Variants in XRRA1 observed in about 807,000 individuals in gnomAD.
XRRA1 encodes X-ray radiation resistance associated 1.
Under a neutral mutation model 80.2 loss-of-function variants are expected in XRRA1, and 69 were observed. The ratio of observed to expected loss-of-function variants is 0.86; its 90% CI spans 0.71 to 1.05. XRRA1 has a LOEUF of 1.05. Ranked by LOEUF, XRRA1 falls within the 50% of genes least tolerant of loss-of-function variation. The pLI is 0.00. For synonymous variants in XRRA1, 348 were observed against 389.9 expected, an observed-to-expected ratio of 0.89 and a Z score of 1.27; for missense variants, 967 against 976.4, an observed-to-expected ratio of 0.99 and a Z score of 0.13.
At chr11:74,943,524 G>GGTGTGTGTGTGTGTGT (rs67590742) in intron 2 of XRRA1, among the ~76,000 whole-genome samples, 4,699 of 137,624 alleles carry the variant, frequency 0.034, 172 homozygotes, top group Admixed American at 0.056. Flanking sequence ...AGAGTAGGAG[G>GGTGTGTGTGTGTGTGT]GTGTGTGTGT....
At chr11:74,848,946 ACCAGGCCCCTTTCAGGATGCTGTT>A in intron 14 of XRRA1, among the ~76,000 whole-genome samples, 1 of 152,310 alleles carries the variant, frequency 6.6e-6, no homozygotes, top group Admixed American at 6.5e-5. Flanking sequence ...AGATGACAGC[ACCAGGCCCCTTTCAGGATGCTGTT>A]CCCTATACCT....
intron 8 of XRRA1, among the ~76,000 whole-genome samples, chr11:74,908,311 C>T (rs767781804): frequency 6.6e-6 from 1 of 152,184 alleles, no homozygotes; most frequent in Non-Finnish European, 1.5e-5. Context: ...AGTGGGATGA[C>T]TCAAACTAGA....
At chr11:74,926,139 T>G (rs1181071239) in intron 7 of XRRA1, among the ~76,000 whole-genome samples, 1 of 152,208 alleles carries the variant, frequency 6.6e-6, no homozygotes, top group Admixed American at 6.5e-5. Flanking sequence ...TCATAGAAAA[T>G]TACTGTTATC....
At chr11:74,924,669 C>G (rs993531070) in intron 7 of XRRA1, among the ~76,000 whole-genome samples, 2 of 151,678 alleles carry the variant, frequency 1.3e-5, no homozygotes, top group African/African-American at 4.8e-5. Flanking sequence ...CCCTTCTCTA[C>G]CAAAAATACA....
At chr11:74,857,114 G>C (rs80019425) in intron 12 of XRRA1, among the ~76,000 whole-genome samples, 3,703 of 152,168 alleles carry the variant, frequency 0.024, 159 homozygotes, top group African/African-American at 0.085. Context: ...CTACTGCTAG[G>C]GGGAGGAACA....
At position 74,940,791 on chromosome 11, in the gene XRRA1, C is replaced by A; in HGVS notation, c.88G>T (p.Glu30Ter). 1 of 1,604,158 alleles carries A rather than the reference C, an allele frequency of 6.2e-7. No homozygotes were observed. Among genetic ancestry groups the A allele is most frequent in the Non-Finnish European group, 8.5e-7 (1 of 1,175,460 alleles). Residue 30 changes from glutamate to a stop codon, truncating the protein, a stop_gained, in exon 3 of 19, where the codon GAG becomes TAG. Coordinates refer to ENST00000684022, the MANE Select transcript of XRRA1 (RefSeq NM_001378157.1). LOFTEE classifies it high-confidence loss of function. Reference sequence around the variant, plus strand: ...ATTTGAGAAGTCACCTGACCTTCCTCCGGCACGCGAAGCAGATTTCTGGCT... The same window carrying A: ...ATTTGAGAAGTCACCTGACCTTCCTACGGCACGCGAAGCAGATTTCTGGCT... ...FPARNLLRVPEEGQGHWLVVQ... is the reference protein window; with the variant it reads ...FPARNLLRVP
In XRRA1 at chr11:74,885,761, AC is replaced by A. The variant is rs144545885; in HGVS notation, c.1003+20477del. ...AAAACCCACCAGAGACACAACAACA[AC>A]AACAAAATTTCAGGCCAATATCCTT... On this transcript the variant is annotated intron_variant, in intron 10 of 18. Coordinates refer to ENST00000684022, the MANE Select transcript of XRRA1 (RefSeq NM_001378157.1). Among the ~76,000 whole-genome samples, 1,010 of 152,322 alleles carry A rather than the reference AC, an allele frequency of 6.6e-3. 38 individuals are homozygous for A. The East Asian group carries it at 0.13, about 19-fold the overall frequency.
intron 8 of XRRA1, among the ~76,000 whole-genome samples, chr11:74,917,611 G>A (rs1240227493): frequency 2.0e-5 from 3 of 152,138 alleles, no homozygotes; most frequent in Admixed American, 6.5e-5. Context: ...TAACTTAACA[G>A]CATAGGATAT....
chr11:74,941,021 C>T (rs1946235986), intron 2 of XRRA1, 139 bp from the exon 3 acceptor site: 1 of 621,620 alleles, frequency 1.6e-6, no homozygotes, highest in Admixed American at 2.8e-5. Context: ...GGAGGCCCCA[C>T]TGCCCTTGCT....
chr11:74,939,569 C>G (rs1301603077), intron 3 of XRRA1, among the ~76,000 whole-genome samples: 1 of 152,170 alleles, frequency 6.6e-6, no homozygotes, highest in Non-Finnish European at 1.5e-5. Flanking sequence ...CACTTCTTTA[C>G]TTCTGGCACC....
intron 12 of XRRA1, among the ~76,000 whole-genome samples, chr11:74,855,087 C>T (rs970811890): frequency 3.3e-5 from 5 of 152,148 alleles, no homozygotes; most frequent in Non-Finnish European, 7.4e-5. Flanking sequence ...CTACCTTTCT[C>T]ATTTGTTGCC....
chr11:74,856,036 G>T (rs773003106), intron 12 of XRRA1, among the ~76,000 whole-genome samples: 14 of 152,156 alleles, frequency 9.2e-5, no homozygotes, highest in Non-Finnish European at 1.6e-4. Flanking sequence ...GGAGGCTGAG[G>T]CAGGAGAATT....
intron 17 of XRRA1, 85 bp from the exon 18 acceptor site, chr11:74,844,044 G>T: frequency 6.8e-7 from 1 of 1,469,958 alleles, no homozygotes; most frequent in Non-Finnish European, 9.5e-7. Context: ...ACAGCAACAG[G>T]CTGGGGGGCA....
At chr11:74,912,865 A>G (rs2056210229) in intron 8 of XRRA1, among the ~76,000 whole-genome samples, 1 of 152,226 alleles carries the variant, frequency 6.6e-6, no homozygotes. Context: ...CACTATGAAC[A>G]ACACAGATAT....
At chr11:74,893,494 G>GTA (rs1591137639) in intron 10 of XRRA1, among the ~76,000 whole-genome samples, 1 of 151,798 alleles carries the variant, frequency 6.6e-6, no homozygotes, top group South Asian at 2.1e-4. Context: ...CATGGCACAT[G>GTA]TATATATATG....
chr11:74,891,229 G>T (rs2050607723), intron 10 of XRRA1, among the ~76,000 whole-genome samples: 1 of 152,074 alleles, frequency 6.6e-6, no homozygotes, highest in Non-Finnish European at 1.5e-5. Flanking sequence ...TTCATCCCTG[G>T]GATGCAAGGC....
intron 3 of XRRA1, among the ~76,000 whole-genome samples, chr11:74,939,865 G>A (rs988402687): frequency 1.3e-5 from 2 of 151,306 alleles, no homozygotes; most frequent in Non-Finnish European, 3.0e-5. Context: ...GAGAGAGAGC[G>A]AGAGCAAGAG....
intron 11 of XRRA1, 133 bp downstream of exon 11, chr11:74,862,848 C>T: frequency 1.3e-6 from 1 of 788,604 alleles, no homozygotes; most frequent in Non-Finnish European, 2.0e-6. Context: ...TTGGCAACTA[C>T]CTATTCAATG....
At chr11:74,873,059 T>G (rs546441639) in intron 10 of XRRA1, among the ~76,000 whole-genome samples, 14 of 152,202 alleles carry the variant, frequency 9.2e-5, no homozygotes, top group African/African-American at 3.1e-4. Flanking sequence ...CAAGACAAAC[T>G]CTTTGTTTCC....
Sources: gnomAD v4.1 joint callset for allele counts (sites outside exome capture counted in the v4.1 genomes callset) on GRCh38, gnomAD v4.1.1 for gene constraint, MANE v1.5 for transcripts, NCBI Gene and HGNC (gene_info 2026-07-23, HGNC 2026-07-21) for gene names.